Variants in CUL3 observed in about 807,000 individuals in gnomAD.
CUL3 encodes cullin-3.
CUL3 carries 19 observed loss-of-function variants against 89.1 expected under a neutral mutation model. That is an observed-to-expected ratio of 0.21 (90% confidence interval 0.15 to 0.31). The LOEUF (loss-of-function observed/expected upper bound fraction) is 0.31, where lower values mean the gene tolerates loss of function less well. Among genes scored for constraint, CUL3 ranks in the 10% least tolerant of loss-of-function variants. The pLI is 1.00. For missense variants in CUL3, 469 were observed against 942.3 expected, an observed-to-expected ratio of 0.50 and a Z score of 6.58; for synonymous variants, 351 against 308.4, an observed-to-expected ratio of 1.14 and a Z score of -1.45.
chr2:224,584,259 G>T (rs11690350), intron 1 of CUL3, among the ~76,000 whole-genome samples: 74,160 of 151,910 alleles, frequency 0.49, 18,258 homozygotes, highest in East Asian at 0.58. Flanking sequence ...GAACCAATTG[G>T]CCGGTTTGCT....
chr2:224,497,411 T>C (rs1426613380), intron 12 of CUL3, among the ~76,000 whole-genome samples: 4 of 152,194 alleles, frequency 2.6e-5, no homozygotes, highest in East Asian at 1.9e-4. Context: ...TGACAGAATT[T>C]TGAAAAGGGG....
chr2:224,514,819 A>G (rs1194611646), intron 3 of CUL3, 47 bp from the exon 4 acceptor site: 2 of 1,335,342 alleles, frequency 1.5e-6, no homozygotes, highest in Non-Finnish European at 1.1e-6. Flanking sequence ...TGTGAGCATA[A>G]TAATTATTGT....
chr2:224,540,021 G>A (rs1461091623), intron 2 of CUL3, among the ~76,000 whole-genome samples: 4 of 151,540 alleles, frequency 2.6e-5, no homozygotes, highest in African/African-American at 9.7e-5. Context: ...TTGGGGCAGG[G>A]GTGTATTTGG....
chr2:224,572,716 C>A (rs913970910), intron 1 of CUL3, among the ~76,000 whole-genome samples: 15 of 151,250 alleles, frequency 9.9e-5, no homozygotes, highest in African/African-American at 3.2e-4. Context: ...GATTAGGTGG[C>A]CTTATAAAGG....
At chr2:224,524,836 G>A (rs1035070565) in intron 3 of CUL3, among the ~76,000 whole-genome samples, 12 of 151,936 alleles carry the variant, frequency 7.9e-5, no homozygotes, top group Admixed American at 3.9e-4. Context: ...AAAAACCAAA[G>A]GGGAAAAACC....
chr2:224,578,363 T>A (rs1292782592), intron 1 of CUL3, among the ~76,000 whole-genome samples: 1 of 152,162 alleles, frequency 6.6e-6, no homozygotes, highest in Admixed American at 6.5e-5. Context: ...ATGATTATCT[T>A]ACCTTAATTT....
chr2:224,512,098 T>C lies in CUL3; in HGVS notation c.655-516A>G, dbSNP rs1004428905. On this transcript the variant is annotated intron_variant, in intron 5 of 15. Coordinates refer to ENST00000264414, the MANE Select transcript of CUL3 (RefSeq NM_003590.5). ...GCTTTTAAATAACTATTCATCTTTT[T>C]TTTCTTTTTTTTTTTGAGACAGAGT... Among the ~76,000 whole-genome samples, 42 of 143,012 alleles carry C rather than the reference T, an allele frequency of 2.9e-4. 1 individual carries two copies. The highest frequency in any genetic ancestry group is 4.2e-4 in the Admixed American group (6 of 14,194). 93.8% of individuals were successfully genotyped at this position (143,012 alleles called of 152,430 possible).
chr2:224,518,013 C>A (rs1205334748), intron 3 of CUL3, among the ~76,000 whole-genome samples: 4 of 151,966 alleles, frequency 2.6e-5, no homozygotes, highest in Admixed American at 6.6e-5. Flanking sequence ...TTGAAAAATA[C>A]AACAGAACTT....
chr2:224,510,805 A>G (rs1026035898), intron 6 of CUL3, among the ~76,000 whole-genome samples: 3 of 152,206 alleles, frequency 2.0e-5, no homozygotes, highest in Non-Finnish European at 4.4e-5. Context: ...CTTTACTTTT[A>G]TGCACTCCTC....
intron 3 of CUL3, among the ~76,000 whole-genome samples, chr2:224,516,346 G>T (rs1380130526): frequency 1.4e-5 from 2 of 142,356 alleles, no homozygotes; most frequent in African/African-American, 2.6e-5. Flanking sequence ...GATATGGGGT[G>T]TCGCTCTGTC....
chr2:224,486,951 G>A lies in CUL3; in HGVS notation c.1843-4873C>T, dbSNP rs141212878. Among the ~76,000 whole-genome samples the A allele has an allele frequency of 2.6e-5, 4 of 152,224 alleles. No individual in the cohort carries two copies. In the East Asian group the frequency reaches 5.8e-4, roughly 22 times the overall value. ...CCCTACAAGCCAGAAGAGAGTGGGG[G>A]GGGCCAATATTCAACAATCTTAAAG... On this transcript the variant is annotated intron_variant, in intron 13 of 15. Coordinates refer to ENST00000264414, the MANE Select transcript of CUL3 (RefSeq NM_003590.5).
intron 3 of CUL3, among the ~76,000 whole-genome samples, chr2:224,523,388 A>T (rs1413396644): frequency 5.0e-5 from 2 of 39,692 alleles, no homozygotes; most frequent in African/African-American, 1.6e-4. Flanking sequence ...GAGTTACTAT[A>T]AAAAAAAAAA....
At chr2:224,539,226 A>G (rs1000142756) in intron 2 of CUL3, among the ~76,000 whole-genome samples, 1 of 152,258 alleles carries the variant, frequency 6.6e-6, no homozygotes, top group Non-Finnish European at 1.5e-5. Flanking sequence ...ATCATAGGTC[A>G]TTAGGACACT....
chr2:224,574,975 C>G lies in CUL3; in HGVS notation c.66+9969G>C, dbSNP rs571915869. Among the ~76,000 whole-genome samples the G allele has an allele frequency of 2.9e-4, 44 of 152,312 alleles. 1 individual carries two copies. Among genetic ancestry groups the G allele is most frequent in the Admixed American group, 3.9e-4 (6 of 15,302 alleles). On this transcript the variant is annotated intron_variant, in intron 1 of 15. Transcript: ENST00000264414. ...TCTAAAAAAGGAAATAGAGACTCCT[C>G]TCTCAAGAATCTTGGCTGTGAAAGG...
intron 2 of CUL3, among the ~76,000 whole-genome samples, chr2:224,539,118 TA>T (rs1188100813): frequency 6.6e-6 from 1 of 152,164 alleles, no homozygotes; most frequent in African/African-American, 2.4e-5. Flanking sequence ...AAAGAATTCT[TA>T]AAACTTAGAA....
At chr2:224,497,328 A>G (rs775595905) in intron 12 of CUL3, among the ~76,000 whole-genome samples, 60 of 152,194 alleles carry the variant, frequency 3.9e-4, no homozygotes, top group Non-Finnish European at 8.8e-5. Context: ...TTACTTTAAT[A>G]ACATTTATAT....
chr2:224,558,168 T>C (rs545288790), intron 1 of CUL3, among the ~76,000 whole-genome samples: 99 of 152,256 alleles, frequency 6.5e-4, no homozygotes, highest in Middle Eastern at 3.4e-3. Context: ...ACTTACCCCT[T>C]ATCTCTCTCC....
chr2:224,489,956 C>A (rs1275517429), intron 13 of CUL3, among the ~76,000 whole-genome samples: 1 of 152,210 alleles, frequency 6.6e-6, no homozygotes, highest in Non-Finnish European at 1.5e-5. Flanking sequence ...ATCTATCCAT[C>A]TGACAAAGGT....
At chr2:224,504,191 A>G (rs1390976958) in intron 8 of CUL3, 1 of 164,594 alleles carries the variant, frequency 6.1e-6, no homozygotes, top group Non-Finnish European at 1.3e-5. Context: ...AAACTTACAC[A>G]GCCAAAAGAC....
Sources: allele counts gnomAD v4.1 joint callset (sites outside exome capture counted in the v4.1 genomes callset), GRCh38; gene constraint gnomAD v4.1.1; transcripts MANE v1.5; gene names NCBI Gene and HGNC (gene_info 2026-07-23, HGNC 2026-07-21).